The following CHL1 variants were observed in gnomAD, a reference collection of about 807,000 sequenced individuals.
CHL1 encodes cell adhesion molecule L1 like.
A neutral mutation model predicts 141.9 loss-of-function variants in CHL1; 96 were observed. The observed-to-expected ratio is 0.68, with a 90% CI of 0.57 to 0.80. The LOEUF (loss-of-function observed/expected upper bound fraction) is 0.80. Ranked by LOEUF, CHL1 falls within the 30% of genes least tolerant of loss-of-function variation. CHL1 has a pLI of 0.00. For missense variants in CHL1, 1,820 were observed against 1,457.2 expected, an observed-to-expected ratio of 1.25 and a Z score of -4.05; for synonymous variants, 613 against 502.2, an observed-to-expected ratio of 1.22 and a Z score of -2.95.
intron 2 of CHL1, among the ~76,000 whole-genome samples, chr3:253,144 T>C (rs1253581648): frequency 6.6e-6 from 1 of 152,154 alleles, no homozygotes; most frequent in Non-Finnish European, 1.5e-5. Context: ...ACAGAGTTTA[T>C]TTTTAATAGA....
At chr3:234,085 G>A (rs1691687627) in intron 1 of CHL1, among the ~76,000 whole-genome samples, 1 of 151,940 alleles carries the variant, frequency 6.6e-6, no homozygotes, top group African/African-American at 2.4e-5. Flanking sequence ...GTGTATATGA[G>A]TGTAGCTATA....
intron 11 of CHL1, among the ~76,000 whole-genome samples, chr3:356,787 A>T (rs1703760071): frequency 6.6e-6 from 1 of 152,164 alleles, no homozygotes; most frequent in Non-Finnish European, 1.5e-5. Context: ...GCCCTAGGCC[A>T]CCAGATCCGC....
At chr3:371,547 G>A (rs1357832484) in intron 15 of CHL1, among the ~76,000 whole-genome samples, 1 of 152,114 alleles carries the variant, frequency 6.6e-6, no homozygotes, top group African/African-American at 2.4e-5. Flanking sequence ...GATGAGTCTT[G>A]TCTCCTTATC....
At chr3:286,820 A>G (rs567429783) in intron 2 of CHL1, among the ~76,000 whole-genome samples, 1 of 152,222 alleles carries the variant, frequency 6.6e-6, no homozygotes, top group South Asian at 2.1e-4. Context: ...TAGACCATAT[A>G]AGGTAACTTT....
chr3:250,816 G>A (rs112410342), intron 2 of CHL1, among the ~76,000 whole-genome samples: 30 of 152,110 alleles, frequency 2.0e-4, no homozygotes, highest in African/African-American at 6.5e-4. Flanking sequence ...ACAGTGAAAA[G>A]GAAGGTAATC....
chr3:322,439 A>G (rs1700639546), intron 3 of CHL1, among the ~76,000 whole-genome samples: 2 of 151,638 alleles, frequency 1.3e-5, no homozygotes, highest in South Asian at 4.2e-4. Flanking sequence ...GGTCTGTGAG[A>G]TTAAACTGTT....
At position 366,070 on chromosome 3, in the gene CHL1, G is replaced by A. The variant is rs138000940; in HGVS notation, c.1706G>A (p.Ser569Asn). The A allele has an allele frequency of 2.7e-4, 435 of 1,613,958 alleles. 1 individual carries two copies. The African/African-American group carries it at 4.0e-3, about 15-fold the overall frequency. ...HLKHSLKLSW[S>N]KDGEAFEING... The stretch of plus-strand genomic sequence containing the variant: ...AAACACAGTTTGAAGTTGTCCTGGA[G>A]TAAAGATGGAGAAGCCTTTGAAATT... Residue 569 changes from serine (S) to asparagine (N), a missense_variant, in exon 15 of 28, where the codon AGT becomes AAT. By Grantham distance (46) the Ser-to-Asn change is conservative. Coordinates refer to ENST00000256509, the MANE Select transcript of CHL1 (RefSeq NM_006614.4).
chr3:234,194 TA>T (rs1691711264), intron 1 of CHL1, among the ~76,000 whole-genome samples: 1 of 99,594 alleles, frequency 1.0e-5, no homozygotes, highest in African/African-American at 3.4e-5. Context: ...TGTGTGTGTG[TA>T]TATATATATA....
chr3:344,659 T>C lies in CHL1; in HGVS notation c.798T>C (p.Ile266=). The C allele has an allele frequency of 6.2e-7, 1 of 1,613,830 alleles. No individual in the cohort carries two copies. Among genetic ancestry groups the C allele is most frequent in the Non-Finnish European group, 8.5e-7 (1 of 1,179,792 alleles). The change falls in exon 9 of 28, where the codon ATT becomes ATC. Residue 266 remains isoleucine, a synonymous_variant. Coordinates refer to ENST00000256509, the MANE Select transcript of CHL1 (RefSeq NM_006614.4). ...CTGAGAGTGGCAGTGAGTCTTCAAT[T>C]ACCATCCTCAAAGGGGAAATCTTGC... ...PPTESGSESS[I]TILKGEILLL...
At chr3:321,740 T>C (rs1008072689) in intron 3 of CHL1, among the ~76,000 whole-genome samples, 1 of 152,110 alleles carries the variant, frequency 6.6e-6, no homozygotes, top group African/African-American at 2.4e-5. Flanking sequence ...TGTTATAAAA[T>C]ATTAATGGCA....
At chr3:324,241 C>T (rs937643828) in intron 3 of CHL1, among the ~76,000 whole-genome samples, 2 of 152,064 alleles carry the variant, frequency 1.3e-5, no homozygotes, top group Admixed American at 1.3e-4. Context: ...TTTAGGGCCT[C>T]ATTTGCAACT....
At chr3:211,796 G>C (rs1699925297) in intron 1 of CHL1, among the ~76,000 whole-genome samples, 1 of 152,210 alleles carries the variant, frequency 6.6e-6, no homozygotes, top group Admixed American at 6.5e-5. Flanking sequence ...TTCTGTATTG[G>C]TAATACTATA....
intron 1 of CHL1, among the ~76,000 whole-genome samples, chr3:235,389 G>T (rs767082359): frequency 6.6e-6 from 1 of 151,930 alleles, no homozygotes. Context: ...AAGCAAAACC[G>T]TATCTACCTC....
At chr3:327,057 A>G (rs936853102) in intron 4 of CHL1, among the ~76,000 whole-genome samples, 3 of 151,946 alleles carry the variant, frequency 2.0e-5, no homozygotes, top group Non-Finnish European at 4.4e-5. Flanking sequence ...ATTAATATTA[A>G]TTAGCTGAAT....
chr3:204,252 A>G (rs778876765), intron 1 of CHL1, among the ~76,000 whole-genome samples: 2 of 152,198 alleles, frequency 1.3e-5, no homozygotes, highest in East Asian at 1.9e-4. Context: ...TTCCTCCCTA[A>G]CAAAAGCTTT....
chr3:239,906 T>C (rs1260666514), intron 1 of CHL1, among the ~76,000 whole-genome samples: 1 of 152,172 alleles, frequency 6.6e-6, no homozygotes. Context: ...CCATCCAGGG[T>C]GCTGTGAATG....
intron 2 of CHL1, among the ~76,000 whole-genome samples, chr3:249,250 TA>T (rs1349322453): frequency 2.0e-5 from 3 of 152,138 alleles, no homozygotes; most frequent in African/African-American, 4.8e-5. Context: ...AGCAGGGCAT[TA>T]AAAACTAAAT....
At chr3:389,160 C>T in intron 19 of CHL1, 92 bp from the exon 20 acceptor site, 1 of 966,498 alleles carries the variant, frequency 1.0e-6, no homozygotes, top group East Asian at 2.6e-5. Context: ...CATTTCATTA[C>T]ATTGTTCCTT....
intron 1 of CHL1, among the ~76,000 whole-genome samples, chr3:218,435 C>G (rs78493608): frequency 6.6e-6 from 1 of 152,152 alleles, no homozygotes; most frequent in East Asian, 1.9e-4. Context: ...TTTTGTGTAT[C>G]ATATTTAAGT....
Sources: gnomAD v4.1 joint callset for allele counts (sites outside exome capture counted in the v4.1 genomes callset) on GRCh38, gnomAD v4.1.1 for gene constraint, MANE v1.5 for transcripts, NCBI Gene and HGNC (gene_info 2026-07-23, HGNC 2026-07-21) for gene names.